Variants in EXOC4 observed in about 807,000 individuals in gnomAD.
The protein encoded by EXOC4 is SEC8-like 1.
Under a neutral mutation model 107.2 loss-of-function variants are expected in EXOC4, and 71 were observed. The ratio of observed to expected loss-of-function variants is 0.66; its 90% CI spans 0.55 to 0.81. The LOEUF (loss-of-function observed/expected upper bound fraction) is 0.81. EXOC4 is among the 30% of genes least tolerant of loss of function. EXOC4 has a pLI of 0.00. For missense variants in EXOC4, 1,108 were observed against 1,189.6 expected, an observed-to-expected ratio of 0.93 and a Z score of 1.01; for synonymous variants, 456 against 441.2, an observed-to-expected ratio of 1.03 and a Z score of -0.42.
At chr7:133,533,558 A>G (rs1453808519) in intron 9 of EXOC4, among the ~76,000 whole-genome samples, 1 of 152,156 alleles carries the variant, frequency 6.6e-6, no homozygotes, top group African/African-American at 2.4e-5. Context: ...TTTTTAAAAA[A>G]GGGACATTGG....
At chr7:134,006,268 A>G (rs559358543) in intron 16 of EXOC4, among the ~76,000 whole-genome samples, 14 of 152,060 alleles carry the variant, frequency 9.2e-5, no homozygotes, top group Non-Finnish European at 1.8e-4. Context: ...CCAGTCTTGC[A>G]GACCACGTTA....
At chr7:133,782,860 C>T (rs1298154390) in intron 10 of EXOC4, among the ~76,000 whole-genome samples, 2 of 152,186 alleles carry the variant, frequency 1.3e-5, no homozygotes, top group African/African-American at 2.4e-5. Context: ...TAGACCTTCC[C>T]TCTGGCTTCA....
At chr7:133,296,546 T>G (rs1336423997) in intron 3 of EXOC4, among the ~76,000 whole-genome samples, 1 of 152,118 alleles carries the variant, frequency 6.6e-6, no homozygotes, top group Admixed American at 6.6e-5. Flanking sequence ...ACAGTTTTAT[T>G]TTTCTCTTAT....
chr7:133,884,609 G>A (rs1429814305), intron 11 of EXOC4, among the ~76,000 whole-genome samples: 3 of 151,652 alleles, frequency 2.0e-5, no homozygotes, highest in Non-Finnish European at 4.4e-5. Context: ...GTGTGTGTGT[G>A]TGTGTGTGTG....
At chr7:133,667,683 A>G (rs906524882) in intron 10 of EXOC4, among the ~76,000 whole-genome samples, 13 of 152,146 alleles carry the variant, frequency 8.5e-5, no homozygotes, top group African/African-American at 3.1e-4. Context: ...ACATTTCACA[A>G]TTACATTTGC....
intron 7 of EXOC4, among the ~76,000 whole-genome samples, chr7:133,470,721 G>C (rs1429975937): frequency 6.6e-6 from 1 of 152,138 alleles, no homozygotes; most frequent in Non-Finnish European, 1.5e-5. Context: ...AAATAGTAAA[G>C]AGATTAGTAT....
chr7:133,316,852 G>A (rs1795001676), intron 4 of EXOC4, among the ~76,000 whole-genome samples: 1 of 152,144 alleles, frequency 6.6e-6, no homozygotes, highest in Non-Finnish European at 1.5e-5. Context: ...AAAAACACAA[G>A]TAAACACTAG....
intron 10 of EXOC4, among the ~76,000 whole-genome samples, chr7:133,788,128 G>A (rs190205050): frequency 5.4e-5 from 8 of 149,176 alleles, no homozygotes; most frequent in African/African-American, 2.0e-4. Flanking sequence ...TCCTTTGCTG[G>A]CCCCTACTCA....
At chr7:133,749,979 T>G (rs1439373737) in intron 10 of EXOC4, among the ~76,000 whole-genome samples, 1 of 147,896 alleles carries the variant, frequency 6.8e-6, no homozygotes, top group African/African-American at 2.5e-5. Context: ...TTTTTTTTTT[T>G]TTTTTTAACC....
intron 14 of EXOC4, among the ~76,000 whole-genome samples, chr7:133,951,754 C>T (rs758260728): frequency 9.9e-5 from 15 of 152,176 alleles, no homozygotes; most frequent in African/African-American, 1.4e-4. Context: ...AGGGTAAGGT[C>T]GTATTTATTC....
chr7:133,604,112 C>A (rs1270885647), intron 9 of EXOC4, among the ~76,000 whole-genome samples: 1 of 151,964 alleles, frequency 6.6e-6, no homozygotes, highest in Non-Finnish European at 1.5e-5. Flanking sequence ...CTGTCTTCTA[C>A]CCCCACATCT....
intron 7 of EXOC4, among the ~76,000 whole-genome samples, chr7:133,412,277 A>AGTTTT (rs1797374705): frequency 2.1e-4 from 3 of 14,588 alleles, no homozygotes; most frequent in Admixed American, 7.9e-4. Flanking sequence ...GTCAGAATTC[A>AGTTTT]GTTTTTTTTT....
At chr7:133,472,233 T>C (rs1798897202) in intron 7 of EXOC4, among the ~76,000 whole-genome samples, 1 of 152,176 alleles carries the variant, frequency 6.6e-6, no homozygotes, top group African/African-American at 2.4e-5. Flanking sequence ...CTGTTGATAT[T>C]ACGTGAGAAG....
chr7:133,273,263 T>G (rs952832234), intron 1 of EXOC4, among the ~76,000 whole-genome samples: 1 of 152,242 alleles, frequency 6.6e-6, no homozygotes, highest in Non-Finnish European at 1.5e-5. Context: ...CAAGTAATCT[T>G]GGTAGCTCTA....
At chr7:133,665,981 T>C (rs749642722) in intron 10 of EXOC4, among the ~76,000 whole-genome samples, 2 of 152,192 alleles carry the variant, frequency 1.3e-5, no homozygotes, top group Non-Finnish European at 2.9e-5. Flanking sequence ...CCATTTACTT[T>C]TTAAAACATT....
At chr7:133,815,838 G>C (rs1009045766) in intron 10 of EXOC4, among the ~76,000 whole-genome samples, 19 of 152,204 alleles carry the variant, frequency 1.2e-4, no homozygotes, top group African/African-American at 3.9e-4. Flanking sequence ...CCCAGGGTCA[G>C]CTCTTTCTCC....
At chr7:133,364,587 G>A (rs964459365) in intron 6 of EXOC4, among the ~76,000 whole-genome samples, 1 of 152,190 alleles carries the variant, frequency 6.6e-6, no homozygotes, top group African/African-American at 2.4e-5. Flanking sequence ...ATTTCCCCAA[G>A]AAGCAGTGGT....
chr7:133,918,134 C>G (rs1799852862), intron 13 of EXOC4, among the ~76,000 whole-genome samples: 1 of 133,260 alleles, frequency 7.5e-6, no homozygotes, highest in Non-Finnish European at 1.6e-5. Context: ...CGGTGCCCAC[C>G]ACCACGCCCG....
Position 133,375,012 on chromosome 7 carries a change from T to C in EXOC4, c.1182+10T>C. The C allele has an allele frequency of 6.2e-7, 1 of 1,607,436 alleles. No individual in the cohort carries two copies. Among genetic ancestry groups the C allele is most frequent in the Non-Finnish European group, 8.5e-7 (1 of 1,176,584 alleles). On this transcript the variant is annotated intron_variant, in intron 7 of 17. Transcript: ENST00000253861. Reference sequence around the variant, plus strand: ...CCAAGATGTTCTACAGGTAAGAGCCTTTTACAAAGGGTGTCATCTTGATTC... The same window carrying C: ...CCAAGATGTTCTACAGGTAAGAGCCCTTTACAAAGGGTGTCATCTTGATTC...
Sources: allele counts gnomAD v4.1 joint callset (sites outside exome capture counted in the v4.1 genomes callset), GRCh38; gene constraint gnomAD v4.1.1; transcripts MANE v1.5; gene names NCBI Gene and HGNC (gene_info 2026-07-23, HGNC 2026-07-21).